The following SLC1A7 variants were observed in gnomAD, a reference collection of about 807,000 sequenced individuals.
The protein encoded by SLC1A7 is solute carrier family 1 member 7, also known as excitatory amino acid transporter 5.
Under a neutral mutation model 47.7 loss-of-function variants are expected in SLC1A7, and 40 were observed. The observed-to-expected ratio is 0.84, with a 90% CI of 0.65 to 1.09. The LOEUF is 1.09. Among genes scored for constraint, SLC1A7 ranks in the 50% least tolerant of loss-of-function variants. The probability of loss-of-function intolerance (pLI) is 0.00; values close to 1 mark genes in which losing one functional copy is unlikely to be tolerated. For missense variants in SLC1A7, 746 were observed against 769.5 expected (o/e 0.97, Z 0.36); for synonymous variants, 323 against 325.6 (o/e 0.99, Z 0.09).
chr1:53,124,300 CACAG>C (rs1366548532), intron 2 of SLC1A7, among the ~76,000 whole-genome samples: 2 of 141,754 alleles, frequency 1.4e-5, no homozygotes, highest in African/African-American at 5.7e-5. Context: ...AACACAGCTT[CACAG>C]ACAAACCCAC....
chr1:53,125,834 T>G (rs954451384), intron 2 of SLC1A7, among the ~76,000 whole-genome samples: 1 of 152,068 alleles, frequency 6.6e-6, no homozygotes, highest in African/African-American at 2.4e-5. Flanking sequence ...GGACCCCATG[T>G]TCCAGCTCTG....
At position 53,110,310 on chromosome 1, in the gene SLC1A7, G is replaced by C. The variant is rs553296803; in HGVS notation, c.431+4448C>G. Among the ~76,000 whole-genome samples, 15 of 152,330 alleles carry C rather than the reference G, an allele frequency of 9.8e-5. No homozygotes were observed. The South Asian group carries it at 2.9e-3, about 29-fold the overall frequency. On this transcript the variant is annotated intron_variant, in intron 3 of 10. Transcript: ENST00000371494. ...TGGAGATGAGGCCACAGGTCTCCTA[G>C]GTTCTGGTTTCCTGTCCCAGGACGC...
chr1:53,089,066 G>GCC (rs1557664511), intron 9 of SLC1A7, 87 bp from the exon 10 acceptor site: 1 of 1,049,734 alleles, frequency 9.5e-7, no homozygotes, highest in East Asian at 2.4e-5. Flanking sequence ...GTACAGCACG[G>GCC]CCGGTGACCA....
chr1:53,108,450 A>G, intron 3 of SLC1A7: 1 of 635,522 alleles, frequency 1.6e-6, no homozygotes, highest in Non-Finnish European at 2.9e-6. Flanking sequence ...TCCTTCCTTA[A>G]CAGAAGTCCT....
chr1:53,124,152 G>C (rs946871688), intron 2 of SLC1A7, among the ~76,000 whole-genome samples: 1 of 152,220 alleles, frequency 6.6e-6, no homozygotes, highest in South Asian at 2.1e-4. Flanking sequence ...GGGGAGAAGG[G>C]AGTGTTGAGT....
intron 5 of SLC1A7, among the ~76,000 whole-genome samples, chr1:53,100,012 C>T (rs1644553700): frequency 6.6e-6 from 1 of 151,254 alleles, no homozygotes; most frequent in South Asian, 2.1e-4. Flanking sequence ...CACTCACACA[C>T]CTTGTCTTGG....
chr1:53,133,127 G>A (rs976041531), intron 2 of SLC1A7, among the ~76,000 whole-genome samples: 4 of 152,202 alleles, frequency 2.6e-5, no homozygotes, highest in Admixed American at 1.3e-4. Flanking sequence ...CATTTCATGA[G>A]GGCAAGAGTA....
At chr1:53,108,439 G>A (rs942866552) in intron 3 of SLC1A7, 5 of 624,166 alleles carry the variant, frequency 8.0e-6, no homozygotes, top group East Asian at 2.8e-5. Context: ...CCATTCTCCC[G>A]TCCTTCCTTA....
intron 5 of SLC1A7, among the ~76,000 whole-genome samples, chr1:53,097,426 A>G (rs895342522): frequency 6.7e-6 from 1 of 148,958 alleles, no homozygotes; most frequent in African/African-American, 2.5e-5. Flanking sequence ...GTACAATCAC[A>G]CACACCACCT....
rs1430653627 is a variant in SLC1A7, at chr1:53,136,546, A to AATATATAAAC, written c.136-2118_136-2117insGTTTATATAT. ...CATATATTTATATAAACATATATAT[A>AATATATAAAC]ATATATATAAACATATATATAAACA... On this transcript the variant is annotated intron_variant, in intron 1 of 10. Coordinates refer to ENST00000371494, the MANE Select transcript of SLC1A7 (RefSeq NM_006671.6). Among the ~76,000 whole-genome samples, 160 of 39,536 alleles carry AATATATAAAC rather than the reference A, an allele frequency of 4.0e-3. 3 individuals are homozygous for AATATATAAAC. The highest frequency in any genetic ancestry group is 0.014 in the African/African-American group (151 of 10,814). The allele number at this position is 39,536 out of a possible 152,430, so 25.9% of individuals were successfully genotyped here.
intron 5 of SLC1A7, among the ~76,000 whole-genome samples, chr1:53,101,534 C>T (rs944150096): frequency 6.9e-6 from 1 of 144,434 alleles, no homozygotes; most frequent in Non-Finnish European, 1.5e-5. Flanking sequence ...CACCCTGACT[C>T]GTCACACTCA....
At chr1:53,120,140 A>C (rs1421580854) in intron 2 of SLC1A7, among the ~76,000 whole-genome samples, 1 of 152,136 alleles carries the variant, frequency 6.6e-6, no homozygotes, top group African/African-American at 2.4e-5. Context: ...CTCCACTTGC[A>C]GGGGTGGGGG....
intron 5 of SLC1A7, 41 bp from the exon 6 acceptor site, chr1:53,093,601 G>T: frequency 1.3e-6 from 2 of 1,496,042 alleles, no homozygotes; most frequent in South Asian, 1.2e-5. Flanking sequence ...AGCAGGGACA[G>T]ACCCACAGGC....
chr1:53,109,588 T>C lies in SLC1A7; in HGVS notation c.432-3814A>G, dbSNP rs113658470. ...TGCCTTATGTCCCCACGCAGTGGGC[T>C]CCCACTTTCCATTTGTCCCACTTGC... On this transcript the variant is annotated intron_variant, in intron 3 of 10. Coordinates refer to ENST00000371494, the MANE Select transcript of SLC1A7 (RefSeq NM_006671.6). 3.7e-3 allele frequency among the ~76,000 whole-genome samples: 559 copies of C among 152,230 alleles called. 4 individuals carry two copies. Among genetic ancestry groups the C allele is most frequent in the African/African-American group, 0.013 (526 of 41,542 alleles).
In SLC1A7 at chr1:53,105,743, T is replaced by C. The variant is rs148026086; in HGVS notation, c.463A>G (p.Thr155Ala). ...NMFPANLVEA[T>A]FKQYRTKTTP... Reference sequence around the variant, plus strand: ...AGAGACTCACTCACCTGTTTGAATGTGGCTTCTACTAGGTTGGCTGGGAAC... The same window carrying C: ...AGAGACTCACTCACCTGTTTGAATGCGGCTTCTACTAGGTTGGCTGGGAAC... Residue 155 changes from threonine to alanine, a missense_variant, in exon 4 of 11, where the codon ACA becomes GCA. Thr to Ala is a moderately conservative substitution (Grantham distance 58). Transcript: ENST00000371494. 33 of 1,613,096 alleles carry C rather than the reference T, an allele frequency of 2.0e-5. No individual in the cohort carries two copies. In the African/African-American group the frequency reaches 3.9e-4, roughly 19 times the overall value.
Position 53,087,909 on chromosome 1 carries a change from ATCC to A in SLC1A7, c.*97_*99del, listed in dbSNP as rs1422679325. 11 of 600,792 alleles carry A rather than the reference ATCC, an allele frequency of 1.8e-5. No individual in the cohort carries two copies. The highest frequency in any genetic ancestry group is 2.7e-5 in the Non-Finnish European group (10 of 366,040). The allele number at this position is 600,792 out of a possible 1,614,324, so 37.2% of individuals were successfully genotyped here. ...CTCTCAAGGGTGAGAAGAATGTGTG[ATCC>A]TGGCCCCTGCCGGCTGCTCAGGAGG... On this transcript the variant is annotated 3_prime_UTR_variant, in exon 11 of 11. Transcript: ENST00000371494.
intron 5 of SLC1A7, 95 bp downstream of exon 5, chr1:53,103,251 C>T: frequency 1.1e-6 from 1 of 876,166 alleles, no homozygotes; most frequent in Non-Finnish European, 1.7e-6. Context: ...CTCCAGCATT[C>T]TCCCCAGACC....
Position 53,090,655 on chromosome 1 carries a change from C to T in SLC1A7, c.1183G>A (p.Val395Ile). 1 of 1,610,236 alleles carries T rather than the reference C, an allele frequency of 6.2e-7. No homozygotes were observed. Among genetic ancestry groups the T allele is most frequent in the African/African-American group, 1.3e-5 (1 of 75,032 alleles). ...EAVAAIFIAQ[V>I]NNYELDFGQI... ...CCAAAGTCCAGCTCGTAGTTGTTGACCTGGGCGATGAAGATGGCGGCCACA... is the reference window on the plus strand; with the variant it reads ...CCAAAGTCCAGCTCGTAGTTGTTGATCTGGGCGATGAAGATGGCGGCCACA... Residue 395 changes from valine (V) to isoleucine (I), a missense_variant, in exon 8 of 11, where the codon GTC becomes ATC. Coordinates refer to ENST00000371494, the MANE Select transcript of SLC1A7 (RefSeq NM_006671.6).
At chr1:53,120,810 T>C (rs954345932) in intron 2 of SLC1A7, among the ~76,000 whole-genome samples, 2 of 152,214 alleles carry the variant, frequency 1.3e-5, no homozygotes, top group African/African-American at 4.8e-5. Flanking sequence ...GTCCCCGCCT[T>C]CTTCTCCTTT....
Sources: allele counts gnomAD v4.1 joint callset (sites outside exome capture counted in the v4.1 genomes callset), GRCh38; gene constraint gnomAD v4.1.1; transcripts MANE v1.5; gene names NCBI Gene and HGNC (gene_info 2026-07-23, HGNC 2026-07-21).